The following PRIM2 variants were observed in gnomAD, a reference collection of about 807,000 sequenced individuals.
The protein encoded by PRIM2 is DNA primase subunit 2.
In PRIM2, 39 loss-of-function variants were observed where a neutral mutation model predicts 67.3. That is an observed-to-expected ratio of 0.58 (90% CI 0.45 to 0.76). The LOEUF (loss-of-function observed/expected upper bound fraction) is 0.76, where lower values mean the gene tolerates loss of function less well. Ranked by LOEUF, PRIM2 falls within the 30% of genes least tolerant of loss-of-function variation. PRIM2 has a pLI of 0.00. For synonymous variants in PRIM2, 143 were observed against 198.7 expected, an observed-to-expected ratio of 0.72 and a Z score of 2.36; for missense variants, 398 against 598.7, an observed-to-expected ratio of 0.66 and a Z score of 3.50.
intron 5 of PRIM2, among the ~76,000 whole-genome samples, chr6:57,374,928 C>G (rs2127327329): frequency 6.6e-6 from 1 of 152,368 alleles, no homozygotes; most frequent in Admixed American, 6.5e-5. Context: ...TATCTTGAGA[C>G]TTTGCTGAAG....
At chr6:57,458,374 T>C (rs1300595569) in intron 7 of PRIM2, among the ~76,000 whole-genome samples, 5 of 152,166 alleles carry the variant, frequency 3.3e-5, no homozygotes, top group African/African-American at 1.2e-4. Context: ...AATTCTTCCA[T>C]ATGCCCTGGA....
chr6:57,637,960 A>G (rs1179765429), intron 13 of PRIM2, among the ~76,000 whole-genome samples: 2 of 152,228 alleles, frequency 1.3e-5, no homozygotes, highest in African/African-American at 4.8e-5. Flanking sequence ...AGATTCATCA[A>G]GGTTGAAATG....
At chr6:57,250,971 A>AG in the PRIM2 span, among the ~76,000 whole-genome samples, 14 of 152,152 alleles carry the variant, frequency 9.2e-5, no homozygotes, top group Admixed American at 2.0e-4. Flanking sequence ...ATATTCCAAA[A>AG]TCTGAAAAAA....
intron 7 of PRIM2, among the ~76,000 whole-genome samples, chr6:57,409,817 A>T (rs72871692): frequency 6.6e-6 from 1 of 152,152 alleles, no homozygotes; most frequent in Non-Finnish European, 1.5e-5. Context: ...GATTCAGTCT[A>T]TTTTATCAGT....
At chr6:57,495,175 A>T (rs1483590860) in intron 7 of PRIM2, among the ~76,000 whole-genome samples, 1 of 152,232 alleles carries the variant, frequency 6.6e-6, no homozygotes, top group Non-Finnish European at 1.5e-5. Context: ...AAAATTATGT[A>T]ATAGTCTCAT....
chr6:57,522,762 T>A (rs1311916135), intron 8 of PRIM2, among the ~76,000 whole-genome samples: 1 of 152,234 alleles, frequency 6.6e-6, no homozygotes, highest in Non-Finnish European at 1.5e-5. Context: ...GTTGAACATC[T>A]CAATTTAGTT....
chr6:57,635,503 T>G (rs1325097771), intron 13 of PRIM2, among the ~76,000 whole-genome samples: 1 of 152,234 alleles, frequency 6.6e-6, no homozygotes, highest in Non-Finnish European at 1.5e-5. Flanking sequence ...CACTAGGTCA[T>G]GTGTAGATTC....
intron 5 of PRIM2, among the ~76,000 whole-genome samples, chr6:57,335,019 C>T (rs148158760): frequency 0.12 from 18,648 of 151,650 alleles, 904 homozygotes; most frequent in African/African-American, 0.17. Context: ...GTGCACGAGC[C>T]GAAGCAGGGC....
intron 7 of PRIM2, among the ~76,000 whole-genome samples, chr6:57,487,645 A>T (rs1412306466): frequency 6.6e-6 from 1 of 152,270 alleles, no homozygotes; most frequent in Non-Finnish European, 1.5e-5. Context: ...TAAAAACCAT[A>T]TGGCAATAAA....
At chr6:57,403,183 T>C (rs1393878760) in intron 7 of PRIM2, among the ~76,000 whole-genome samples, 1 of 152,058 alleles carries the variant, frequency 6.6e-6, no homozygotes, top group Non-Finnish European at 1.5e-5. Flanking sequence ...TATATGAAAG[T>C]TTTTTGAAAA....
the PRIM2 span, among the ~76,000 whole-genome samples, chr6:57,270,988 A>G: frequency 6.6e-6 from 1 of 151,988 alleles, no homozygotes. Context: ...CCACTTGATC[A>G]TGGTGGATAA....
chr6:57,532,011 A>G (rs1279261934), intron 8 of PRIM2, among the ~76,000 whole-genome samples: 1 of 152,076 alleles, frequency 6.6e-6, no homozygotes, highest in Non-Finnish European at 1.5e-5. Context: ...GCATACAGAG[A>G]GTAACTAAGT....
chr6:57,457,591 G>A (rs541273003), intron 7 of PRIM2, among the ~76,000 whole-genome samples: 3 of 152,188 alleles, frequency 2.0e-5, no homozygotes, highest in African/African-American at 4.8e-5. Flanking sequence ...CGAGCCAGGC[G>A]TGGGATATAA....
intron 7 of PRIM2, among the ~76,000 whole-genome samples, chr6:57,405,832 A>G (rs1770869751): frequency 1.3e-5 from 2 of 151,612 alleles, no homozygotes; most frequent in Admixed American, 1.3e-4. Context: ...GAGAACATAT[A>G]TGAGAAATTT....
chr6:57,461,924 T>C (rs1389073565), intron 7 of PRIM2, among the ~76,000 whole-genome samples: 12 of 152,228 alleles, frequency 7.9e-5, no homozygotes, highest in Admixed American at 2.6e-4. Flanking sequence ...GACCAGACTA[T>C]GTGGAGTTAG....
intron 7 of PRIM2, among the ~76,000 whole-genome samples, chr6:57,444,726 CTGATA>C (rs1236763110): frequency 6.6e-6 from 1 of 152,120 alleles, no homozygotes; most frequent in Non-Finnish European, 1.5e-5. Flanking sequence ...AACATTTTGA[CTGATA>C]TATTTACGAA....
chr6:57,290,920 C>G, the PRIM2 span, among the ~76,000 whole-genome samples: 1 of 151,892 alleles, frequency 6.6e-6, no homozygotes, highest in South Asian at 2.1e-4. Flanking sequence ...AATGGACACC[C>G]TAACATCATA....
the PRIM2 span, among the ~76,000 whole-genome samples, chr6:57,290,741 C>T: frequency 2.6e-5 from 4 of 152,160 alleles, no homozygotes; most frequent in African/African-American, 9.7e-5. Flanking sequence ...CAACCAGCTC[C>T]TGAATGACTG....
chr6:57,460,482 C>T (rs888362054), intron 7 of PRIM2, among the ~76,000 whole-genome samples: 4 of 152,122 alleles, frequency 2.6e-5, no homozygotes, highest in Admixed American at 2.6e-4. Flanking sequence ...CTGTAATGCT[C>T]GTAAGTTCTG....
Sources: allele counts gnomAD v4.1 joint callset (sites outside exome capture counted in the v4.1 genomes callset), GRCh38; gene constraint gnomAD v4.1.1; transcripts MANE v1.5; gene names NCBI Gene and HGNC (gene_info 2026-07-23, HGNC 2026-07-21).